The following SHBG variants were observed in gnomAD, a reference collection of about 807,000 sequenced individuals.
SHBG encodes the protein sex hormone-binding globulin.
SHBG carries 37 observed loss-of-function variants against 41.9 expected under a neutral mutation model. That is an observed-to-expected ratio of 0.88 (90% CI 0.68 to 1.16). The LOEUF is 1.16. SHBG is among the 50% of genes most tolerant of loss of function. The pLI, the probability that SHBG is intolerant of heterozygous loss-of-function variation, is 0.00. For synonymous variants in SHBG, 217 were observed against 205.8 expected, an observed-to-expected ratio of 1.05 and a Z score of -0.47; for missense variants, 466 against 499.9, an observed-to-expected ratio of 0.93 and a Z score of 0.65.
At chr17:7,626,740 C>G, upstream of SHBG, 1 of 1,614,150 alleles carries the variant, frequency 6.2e-7, no homozygotes, top group Non-Finnish European at 8.5e-7. Context: ...TGTCGCCCCA[C>G]CCATCTCCTC....
chr17:7,614,820 G>A (rs2071933738), intron 1 of SHBG: 3 of 181,236 alleles, frequency 1.7e-5, no homozygotes, highest in Non-Finnish European at 3.4e-5. Flanking sequence ...CGCCCCCGCT[G>A]CTGCCTCAGT....
At position 7,630,996 on chromosome 17, in the gene SHBG, T is replaced by C. The variant is rs902391634; in HGVS notation, c.393+127T>C. On this transcript the variant is annotated intron_variant, in intron 3 of 7. Coordinates refer to ENST00000380450, the MANE Select transcript of SHBG (RefSeq NM_001040.5). This position sits in a 1 kb window ranked among gnomAD's most constrained non-coding sequence, Gnocchi z 4.6. ...TTAATCCACACGAACCCCCACAAAG[T>C]AGCTATTCTTGGCCCCATCTTTTCT... 2.3e-5 allele frequency: 23 copies of C among 990,010 alleles called. No homozygotes were observed. The Admixed American group carries it at 4.9e-4, about 21-fold the overall frequency. The allele number at this position is 990,010 out of a possible 1,614,324, so 61.3% of individuals were successfully genotyped here.
At chr17:7,631,785 C>T (rs779478613) in intron 5 of SHBG, 37 bp downstream of exon 5, 1 of 1,613,438 alleles carries the variant, frequency 6.2e-7, no homozygotes, top group Non-Finnish European at 8.5e-7. Context: ...CCACCCTGGC[C>T]AGCTCAGCCT....
At chr17:7,631,534 C>T (rs553286523) in intron 4 of SHBG, 55 bp from the exon 5 acceptor site, 23 of 1,602,806 alleles carry the variant, frequency 1.4e-5, no homozygotes, top group Middle Eastern at 1.9e-4. Flanking sequence ...GTCGGGACTG[C>T]GGCTCCGATG....
At chr17:7,614,879 T>G in intron 1 of SHBG, 1 of 154,648 alleles carries the variant, frequency 6.5e-6, no homozygotes, top group East Asian at 1.9e-4. Context: ...CACCTCCCCC[T>G]GCCACCGCCG....
At position 7,631,875 on chromosome 17, in the gene SHBG, A is replaced by G. The variant is rs750950427; in HGVS notation, c.716-4A>G. 1 of 1,613,808 alleles carries G rather than the reference A, an allele frequency of 6.2e-7. No homozygotes were observed. The highest frequency in any genetic ancestry group is 8.5e-7 in the Non-Finnish European group (1 of 1,179,970). Reference sequence around the variant, plus strand: ...GGCCTCAGGATAATCATTTCTCCCCACAGACATTCCCCAGCCTCATGCAGA... The same window carrying G: ...GGCCTCAGGATAATCATTTCTCCCCGCAGACATTCCCCAGCCTCATGCAGA... On this transcript the variant is annotated splice_region_variant and splice_polypyrimidine_tract_variant and intron_variant, in intron 5 of 7. Transcript: ENST00000380450.
chr17:7,615,581 A>T (rs1392813202), intron 1 of SHBG, among the ~76,000 whole-genome samples: 1 of 142,440 alleles, frequency 7.0e-6, no homozygotes, highest in Admixed American at 7.0e-5. Flanking sequence ...CAGGTGGATC[A>T]CCTGAGGTCC....
At chr17:7,632,998 T>C in intron 7 of SHBG, 39 bp downstream of exon 7, 2 of 1,574,080 alleles carry the variant, frequency 1.3e-6, no homozygotes, top group Non-Finnish European at 1.7e-6. Flanking sequence ...AGCACAACAT[T>C]GGAAACAGCT....
chr17:7,615,307 C>T (rs1311300416), intron 1 of SHBG, among the ~76,000 whole-genome samples: 1 of 152,144 alleles, frequency 6.6e-6, no homozygotes, highest in Non-Finnish European at 1.5e-5. Context: ...GTCACTTTCC[C>T]CACCTTTGTC....
Position 7,630,584 on chromosome 17 carries a change from T to C in SHBG, c.203+77T>C. 1.3e-6 allele frequency: 2 copies of C among 1,545,212 alleles called. No homozygotes were observed. Among genetic ancestry groups the C allele is most frequent in the Non-Finnish European group, 1.8e-6 (2 of 1,118,594 alleles). On this transcript the variant is annotated intron_variant, in intron 2 of 7. Transcript: ENST00000380450. The surrounding 1 kb of genome is among the most constrained non-coding windows in gnomAD (Gnocchi z 4.6). The stretch of plus-strand genomic sequence containing the variant: ...CATCAGCTCTTCTCTTTTCCCTGTC[T>C]TCCTTTCCTTATCTGTGAACACCAT...
At chr17:7,621,601 T>TAAAAAA (rs747951932) in intron 1 of SHBG, among the ~76,000 whole-genome samples, 6 of 46,942 alleles carry the variant, frequency 1.3e-4, no homozygotes, top group Non-Finnish European at 1.9e-4. Flanking sequence ...AGTCTCCGTC[T>TAAAAAA]AAAAAAAAAA....
upstream of SHBG, chr17:7,626,840 AG>A: frequency 6.2e-7 from 1 of 1,610,572 alleles, no homozygotes; most frequent in South Asian, 1.1e-5. Context: ...TTTGAGCTGA[AG>A]GGGATCAGAA....
At chr17:7,624,755 G>T (rs1160693499), upstream of SHBG, among the ~76,000 whole-genome samples, 1 of 151,940 alleles carries the variant, frequency 6.6e-6, no homozygotes, top group Non-Finnish European at 1.5e-5. Context: ...GGGATCAAGC[G>T]ATTCTCATGC....
chr17:7,624,152 C>T (rs1333087539), upstream of SHBG, among the ~76,000 whole-genome samples: 1 of 151,982 alleles, frequency 6.6e-6, no homozygotes, highest in Admixed American at 6.6e-5. Context: ...GGGTTTCACC[C>T]TGTTCGCCAG....
chr17:7,623,805 A>G (rs78978329), upstream of SHBG, among the ~76,000 whole-genome samples: 947 of 152,128 alleles, frequency 6.2e-3, 42 homozygotes, highest in East Asian at 0.11. Context: ...TCTGTCACTC[A>G]GGCTGGAGTG....
At chr17:7,614,992 A>C (rs2071941352) in intron 1 of SHBG, 1 of 152,280 alleles carries the variant, frequency 6.6e-6, no homozygotes, top group South Asian at 2.0e-4. Context: ...CAGCTAGCGC[A>C]TCGGGGCTTC....
At chr17:7,624,795 G>A (rs957841733), upstream of SHBG, among the ~76,000 whole-genome samples, 2 of 151,632 alleles carry the variant, frequency 1.3e-5, no homozygotes, top group African/African-American at 2.4e-5. Flanking sequence ...GGGCCTAGAG[G>A]AGCATGCCAT....
rs758365968 is a variant in SHBG at position 7,631,190 on chromosome 17, C to G, written c.394-10C>G. 1.9e-6 allele frequency: 3 copies of G among 1,539,694 alleles called. No homozygotes were observed. The highest frequency in any genetic ancestry group is 2.6e-6 in the Non-Finnish European group (3 of 1,140,416). On this transcript the variant is annotated splice_polypyrimidine_tract_variant and intron_variant, in intron 3 of 7. Coordinates refer to ENST00000380450, the MANE Select transcript of SHBG (RefSeq NM_001040.5). ...AGGGGCCTCTGATTTTGCTTCCCAC[C>G]TTCCTGCAGGTGGAAGTCAAGATGG...
chr17:7,633,340 C>T lies in SHBG; in HGVS notation c.1197C>T (p.Asp399=), dbSNP rs144865079. ...SCPQSPGNGT[D]ASH ...CCCAGAGCCCAGGCAATGGCACTGA[C>T]GCTTCCCATTAAAGCTCCACCTAAG... The change falls in exon 8 of 8, where the codon GAC becomes GAT. Residue 399 remains aspartate (D), a synonymous_variant. Coordinates refer to ENST00000380450, the MANE Select transcript of SHBG (RefSeq NM_001040.5). The T allele has an allele frequency of 1.8e-4, 286 of 1,614,060 alleles. No homozygotes were observed. Among genetic ancestry groups the T allele is most frequent in the South Asian group, 1.2e-3 (105 of 91,076 alleles).
Sources: allele counts gnomAD v4.1 joint callset (sites outside exome capture counted in the v4.1 genomes callset), GRCh38; gene constraint gnomAD v4.1.1; non-coding constraint Gnocchi (gnomAD v3.1); transcripts MANE v1.5; gene names NCBI Gene and HGNC (gene_info 2026-07-23, HGNC 2026-07-21).